Variants in KIFC3 observed in about 807,000 individuals in gnomAD.
KIFC3 encodes the protein kinesin-like protein KIFC3.
A neutral mutation model predicts 101.8 loss-of-function variants in KIFC3; 60 were observed. The ratio of observed to expected loss-of-function variants is 0.59; its 90% confidence interval spans 0.48 to 0.73. KIFC3 has a LOEUF of 0.73. Ranked by LOEUF, KIFC3 falls within the 30% of genes least tolerant of loss-of-function variation. The pLI is 0.00. For synonymous variants in KIFC3, 476 were observed against 482.7 expected (o/e 0.99, Z 0.18); for missense variants, 966 against 1,137.1 (o/e 0.85, Z 2.16).
intron 1 of KIFC3, among the ~76,000 whole-genome samples, chr16:57,827,547 G>C (rs113310596): frequency 6.6e-6 from 1 of 152,158 alleles, no homozygotes; most frequent in African/African-American, 2.4e-5. Context: ...TGGAGCTTCC[G>C]TTCTGCTGAG....
chr16:57,817,777 C>G (rs145290552), intron 1 of KIFC3, among the ~76,000 whole-genome samples: 28 of 152,250 alleles, frequency 1.8e-4, no homozygotes, highest in Non-Finnish European at 3.5e-4. Context: ...GAACATTATT[C>G]AACTCAATAC....
At chr16:57,759,478 C>T (rs951814320) in intron 18 of KIFC3, 12 of 577,308 alleles carry the variant, frequency 2.1e-5, no homozygotes, top group Admixed American at 3.2e-5. Flanking sequence ...TCAGCACCCC[C>T]GGCTGAGAGG....
upstream of KIFC3, chr16:57,802,891 C>T: frequency 7.5e-7 from 1 of 1,339,498 alleles, no homozygotes; most frequent in Non-Finnish European, 1.0e-6. This position sits in a 1 kb window ranked among gnomAD's most constrained non-coding sequence, Gnocchi z 5.0. Context: ...CTCACACATA[C>T]ACTTCTCACG....
chr16:57,826,542 G>A (rs1241010817), intron 1 of KIFC3, among the ~76,000 whole-genome samples: 1 of 152,080 alleles, frequency 6.6e-6, no homozygotes, highest in Non-Finnish European at 1.5e-5. Flanking sequence ...AAAATTTCAC[G>A]TAAAATACCA....
Position 57,771,683 on chromosome 16 carries a change from C to A in KIFC3, c.385G>T (p.Gly129Cys). ...TCCCGGTGCTTCTCCAAGTCGGTGCCCCCCTGCAGAGAGCCAGGGCCGAGG... is the reference window on the plus strand; with the variant it reads ...TCCCGGTGCTTCTCCAAGTCGGTGCACCCCTGCAGAGAGCCAGGGCCGAGG... ...EVSRLRSELG[G>C]TDLEKHRDLL... is the part of the protein sequence containing the mutation. The change falls in exon 5 of 20, where the codon GGC becomes TGC. Residue 129 changes from glycine (G) to cysteine (C), a missense_variant. Physicochemically the swap from Gly to Cys is radical, Grantham distance 159. Around this residue, in one of 2 missense-constraint regions of KIFC3, gnomAD observed 277 missense variants for 252.5 expected, o/e 1.10. Coordinates refer to ENST00000445690, the MANE Select transcript of KIFC3 (RefSeq NM_001130100.2). 1.2e-6 allele frequency: 2 copies of A among 1,611,104 alleles called. No individual in the cohort carries two copies. Among genetic ancestry groups the A allele is most frequent in the Non-Finnish European group, 1.7e-6 (2 of 1,179,056 alleles).
chr16:57,774,714 G>T (rs1232460782), intron 3 of KIFC3: 31 of 418,666 alleles, frequency 7.4e-5, no homozygotes, highest in Non-Finnish European at 9.1e-5. Flanking sequence ...TTAATGTATA[G>T]AAGGGTCTTG....
Position 57,771,614 on chromosome 16 carries a change from G to T in KIFC3, c.454C>A (p.Arg152Ser), listed in dbSNP as rs781807615. The change falls in exon 5 of 20, where the codon CGC becomes AGC. Residue 152 changes from arginine to serine, a missense_variant. By Grantham distance (110) the Arg-to-Ser change is moderately radical. This residue lies in a region of KIFC3 where 277 missense variants were observed against 252.5 expected (regional missense o/e 1.10). Transcript: ENST00000445690. Reference sequence around the variant, plus strand: ...AGCTCTTGCAGCTCGGCCTCACAGCGCCGCATCTCCTGCCTCAGTCGCTCA... The same window carrying T: ...AGCTCTTGCAGCTCGGCCTCACAGCTCCGCATCTCCTGCCTCAGTCGCTCA... ...ENERLRQEMRRCEAELQELRT... is the reference protein window; with the variant it reads ...ENERLRQEMRSCEAELQELRT... The T allele has an allele frequency of 3.1e-6, 5 of 1,613,316 alleles. No individual in the cohort carries two copies. Among genetic ancestry groups the T allele is most frequent in the Non-Finnish European group, 4.2e-6 (5 of 1,179,984 alleles).
chr16:57,802,267 G>C lies in KIFC3; in HGVS notation c.-40+103C>G. On this transcript the variant is annotated intron_variant, in intron 1 of 19. Transcript: ENST00000445690. The surrounding 1 kb of genome is among the most constrained non-coding windows in gnomAD (Gnocchi z 5.0). ...GCGCCCATAGCGGGTCCGGGCAGAGGGGTCCCGAGGGCAGGGCCGGCCCGG... is the reference window on the plus strand; with the variant it reads ...GCGCCCATAGCGGGTCCGGGCAGAGCGGTCCCGAGGGCAGGGCCGGCCCGG... 1.8e-6 allele frequency: 1 copy of C among 566,558 alleles called. No homozygotes were observed. Among genetic ancestry groups the C allele is most frequent in the Non-Finnish European group, 2.2e-6 (1 of 447,150 alleles). 35.1% of individuals were successfully genotyped at this position (566,558 alleles called of 1,614,324 possible). A position where few individuals can be genotyped will look rare whatever the true frequency, so the allele number is the denominator to read the frequency against.
At chr16:57,778,006 A>C in intron 3 of KIFC3, among the ~76,000 whole-genome samples, 1 of 152,020 alleles carries the variant, frequency 6.6e-6, no homozygotes, top group African/African-American at 2.4e-5. Flanking sequence ...TAGATCAAAG[A>C]GGGCCAGGCG....
At chr16:57,802,627 G>T, upstream of KIFC3, 1 of 1,030,848 alleles carries the variant, frequency 9.7e-7, no homozygotes, top group Non-Finnish European at 1.2e-6. The surrounding 1 kb of genome is among the most constrained non-coding windows in gnomAD (Gnocchi z 5.0). Context: ...GCCCGGGCGC[G>T]CCCCCGCAGG....
At chr16:57,770,051 T>C (rs186070982) in intron 7 of KIFC3, 96 bp from the exon 8 acceptor site, 4 of 1,414,906 alleles carry the variant, frequency 2.8e-6, no homozygotes, top group Non-Finnish European at 3.8e-6. Flanking sequence ...CCCATGCACA[T>C]GAACACACAT....
At position 57,760,372 on chromosome 16, in the gene KIFC3, G is replaced by C. The variant is rs782525671; in HGVS notation, c.2277C>G (p.Leu759=). The C allele has an allele frequency of 1.2e-6, 2 of 1,613,954 alleles. No homozygotes were observed. The highest frequency in any genetic ancestry group is 3.3e-5 in the Admixed American group (2 of 60,020). The change falls in exon 17 of 20, where the codon CTC becomes CTG. Residue 759 remains leucine, a synonymous_variant. Transcript: ENST00000445690. ...CAGAGCGCACCCTCTCAGCAAACTT[G>C]AGGGAATAGAGCGTCTCGCTAGTGT... The part of the protein sequence containing the change: ...EKNTSETLYS[L]KFAERVRSVE...
chr16:57,861,571 A>G (rs562495493), intron 1 of KIFC3, among the ~76,000 whole-genome samples: 1 of 152,200 alleles, frequency 6.6e-6, no homozygotes, highest in Non-Finnish European at 1.5e-5. Context: ...AGGACCGTGG[A>G]CCCAGCGTCC....
chr16:57,800,893 G>T (rs971593888), intron 1 of KIFC3, among the ~76,000 whole-genome samples: 3 of 152,124 alleles, frequency 2.0e-5, no homozygotes, highest in Admixed American at 6.5e-5. Flanking sequence ...TAGGATTCGT[G>T]GGGGAGGGCA....
At chr16:57,794,351 G>A (rs1555621698) in intron 3 of KIFC3, among the ~76,000 whole-genome samples, 1 of 150,894 alleles carries the variant, frequency 6.6e-6, no homozygotes, top group Non-Finnish European at 1.5e-5. Context: ...CCAGCCTCCT[G>A]AGTAGCTGGG....
Position 57,828,405 on chromosome 16 carries a change from G to T in KIFC3, c.109-30123C>A, listed in dbSNP as rs186628012. 2.0e-5 allele frequency among the ~76,000 whole-genome samples: 3 copies of T among 152,386 alleles called. No individual in the cohort carries two copies. In the East Asian group the frequency reaches 5.8e-4, roughly 29 times the overall value. On this transcript the variant is annotated intron_variant, in intron 1 of 2. Coordinates refer to the KIFC3 transcript ENST00000563028. ...CTCTGGGTGCTGCACATGGAGGCCTGTGTGCAGATGTGGCCATGAGGAAAT... is the reference window on the plus strand; with the variant it reads ...CTCTGGGTGCTGCACATGGAGGCCTTTGTGCAGATGTGGCCATGAGGAAAT...
rs575723899 is a variant in KIFC3, at chr16:57,788,637, G to C, written c.315+6362C>G. The C allele has an allele frequency of 2.3e-6, 3 of 1,289,488 alleles. No individual in the cohort carries two copies. The African/African-American group carries it at 4.6e-5, about 20-fold the overall frequency. 79.9% of individuals were successfully genotyped at this position (1,289,488 alleles called of 1,614,324 possible). ...GGCCTCCCGGGCCCGCCTGGGGGCC[G>C]GCGCCTGTCTCTTCCAAAGCTTCTC... On this transcript the variant is annotated intron_variant, in intron 3 of 19. Transcript: ENST00000445690.
At chr16:57,760,583 G>A (rs1162448821) in intron 16 of KIFC3, 143 bp downstream of exon 16, 17 of 1,058,980 alleles carry the variant, frequency 1.6e-5, no homozygotes, top group Non-Finnish European at 2.2e-5. Flanking sequence ...AGGTGGAGAG[G>A]AGGGACTGGG....
intron 1 of KIFC3, among the ~76,000 whole-genome samples, chr16:57,835,383 GATGTGAGT>G (rs1431545780): frequency 6.6e-6 from 1 of 152,204 alleles, no homozygotes; most frequent in Non-Finnish European, 1.5e-5. Flanking sequence ...AAGCAACAAA[GATGTGAGT>G]ATGGAATATT....
Sources: allele counts gnomAD v4.1 joint callset (sites outside exome capture counted in the v4.1 genomes callset), GRCh38; gene constraint gnomAD v4.1.1; regional missense constraint gnomAD v4.1.1; non-coding constraint Gnocchi (gnomAD v3.1); transcripts MANE v1.5; gene names NCBI Gene and HGNC (gene_info 2026-07-23, HGNC 2026-07-21).